Variants in CAMK2A observed in about 807,000 individuals in gnomAD.
CAMK2A encodes calcium/calmodulin-dependent protein kinase type II subunit alpha.
CAMK2A carries 7 observed loss-of-function variants against 79.2 expected under a neutral mutation model. That is an observed-to-expected ratio of 0.09 (90% CI 0.05 to 0.17). The LOEUF (loss-of-function observed/expected upper bound fraction) is 0.17, where lower values mean the gene tolerates loss of function less well. Ranked by LOEUF, CAMK2A falls within the 10% of genes least tolerant of loss-of-function variation. The probability of loss-of-function intolerance (pLI) is 1.00; values close to 1 mark genes in which losing one functional copy is unlikely to be tolerated. For missense variants in CAMK2A, 214 were observed against 646.4 expected (o/e 0.33, Z 7.25); for synonymous variants, 242 against 251.7 (o/e 0.96, Z 0.36).
intron 15 of CAMK2A, among the ~76,000 whole-genome samples, chr5:150,232,544 G>T (rs977717504): frequency 2.6e-5 from 4 of 152,206 alleles, no homozygotes; most frequent in Non-Finnish European, 5.9e-5. Context: ...CAGAAGCCTT[G>T]CTCCGTCTCC....
In CAMK2A at chr5:150,244,664, G is replaced by A. The variant is rs369836841; in HGVS notation, c.984+497C>T. On this transcript the variant is annotated intron_variant, in intron 13 of 18. Transcript: ENST00000671881. ...TGAACCAGCACCAGCAAGCCTTGCC[G>A]GGAGGGGGCACCTTGGAACCCAAAG... is the stretch of plus-strand genomic sequence containing the variant. Among the ~76,000 whole-genome samples, 49 of 152,266 alleles carry A rather than the reference G, an allele frequency of 3.2e-4. 3 individuals are homozygous for A. The highest frequency in any genetic ancestry group is 3.1e-3 in the South Asian group (15 of 4,812).
At chr5:150,233,823 A>ATTT (rs927950279) in intron 15 of CAMK2A, among the ~76,000 whole-genome samples, 12 of 151,806 alleles carry the variant, frequency 7.9e-5, no homozygotes, top group African/African-American at 2.9e-4. Context: ...TTTGTTTTTC[A>ATTT]TTTTTTTGAG....
intron 3 of CAMK2A, among the ~76,000 whole-genome samples, chr5:150,258,946 G>A (rs980101117): frequency 6.6e-6 from 1 of 152,096 alleles, no homozygotes; most frequent in African/African-American, 2.4e-5. Context: ...TTGGGAGGCC[G>A]AAGCAGGTGG....
At chr5:150,227,431 C>T (rs551453555) in intron 17 of CAMK2A, among the ~76,000 whole-genome samples, 12 of 152,292 alleles carry the variant, frequency 7.9e-5, no homozygotes, top group African/African-American at 2.2e-4. Context: ...CAGTGGTACA[C>T]GCCCTTGATT....
chr5:150,266,912 G>A (rs1474243089), intron 2 of CAMK2A, among the ~76,000 whole-genome samples: 1 of 152,144 alleles, frequency 6.6e-6, no homozygotes, highest in East Asian at 1.9e-4. Context: ...TTGTTCCCAG[G>A]AATCCAGCTC....
intron 12 of CAMK2A, among the ~76,000 whole-genome samples, chr5:150,247,376 T>C (rs1450602268): frequency 1.3e-5 from 2 of 152,176 alleles, no homozygotes; most frequent in African/African-American, 4.8e-5. Flanking sequence ...GCCACCTGAG[T>C]GGAAGCACGG....
intron 1 of CAMK2A, among the ~76,000 whole-genome samples, chr5:150,287,409 T>C (rs943631575): frequency 2.0e-5 from 3 of 152,314 alleles, no homozygotes; most frequent in Non-Finnish European, 2.9e-5. Context: ...GGAAGAAGTC[T>C]GAAATTGATT....
chr5:150,252,199 C>T (rs890584657), intron 7 of CAMK2A, 134 bp from the exon 8 acceptor site: 16 of 696,090 alleles, frequency 2.3e-5, no homozygotes, highest in African/African-American at 2.1e-4. Flanking sequence ...CCCTCAGGTG[C>T]ACTTGGGCTT....
rs1444173901 is a variant in CAMK2A, at chr5:150,256,275, CT to C, written c.411+297del. 2.6e-5 allele frequency among the ~76,000 whole-genome samples: 4 copies of C among 152,200 alleles called. No individual in the cohort carries two copies. Among genetic ancestry groups the C allele is most frequent in the Non-Finnish European group, 4.4e-5 (3 of 68,032 alleles). ...GGCCTGGTTGAGATTTGGACCCAGC[CT>C]GCCTTCTTCCCCACCCACCGTAGCC... On this transcript the variant is annotated intron_variant, in intron 6 of 18. Transcript: ENST00000671881. The surrounding 1 kb of genome is among the most constrained non-coding windows in gnomAD (Gnocchi z 4.6).
rs1266098956 is a variant in CAMK2A, at chr5:150,222,232, G to A, written c.*478C>T. Reference sequence around the variant, plus strand: ...ATGCTCTTCTCCCCACTCCTTCAGTGCGGTTGGCTTAGGGGGAAGGGAGTG... The same window carrying A: ...ATGCTCTTCTCCCCACTCCTTCAGTACGGTTGGCTTAGGGGGAAGGGAGTG... On this transcript the variant is annotated 3_prime_UTR_variant, in exon 19 of 19. Coordinates refer to ENST00000671881, the MANE Select transcript of CAMK2A (RefSeq NM_015981.4). The A allele has an allele frequency of 6.1e-6, 3 of 495,132 alleles. No individual in the cohort carries two copies. The highest frequency in any genetic ancestry group is 1.1e-5 in the Non-Finnish European group (3 of 271,156). The allele number at this position is 495,132 out of a possible 1,614,324, so 30.7% of individuals were successfully genotyped here.
intron 2 of CAMK2A, 64 bp downstream of exon 2, chr5:150,273,001 C>T: frequency 7.8e-7 from 1 of 1,281,494 alleles, no homozygotes; most frequent in Non-Finnish European, 1.1e-6. Context: ...CTAAACCAAG[C>T]AGTACAGGTA....
At position 150,259,737 on chromosome 5, in the gene CAMK2A, G is replaced by A. The variant is rs534217698; in HGVS notation, c.218-2120C>T. Among the ~76,000 whole-genome samples, 25 of 152,208 alleles carry A rather than the reference G, an allele frequency of 1.6e-4. No homozygotes were observed. The South Asian group carries it at 1.7e-3, about 10-fold the overall frequency. On this transcript the variant is annotated intron_variant, in intron 3 of 18. Transcript: ENST00000671881. ...TAATCCCAGCACTTTGGGAGGCCGA[G>A]GTGGGCAGATCACCTGAGGTCAGGA...
At chr5:150,240,603 C>A (rs879436955) in intron 13 of CAMK2A, among the ~76,000 whole-genome samples, 1 of 152,214 alleles carries the variant, frequency 6.6e-6, no homozygotes, top group Non-Finnish European at 1.5e-5. Flanking sequence ...CTTCCCTCAG[C>A]TCTCCAAGCC....
intron 9 of CAMK2A, 132 bp from the exon 10 acceptor site, chr5:150,250,942 G>GCCCCAAC: frequency 4.8e-6 from 5 of 1,033,988 alleles, no homozygotes; most frequent in Non-Finnish European, 7.1e-6. Flanking sequence ...ACCAGGAGGA[G>GCCCCAAC]TTGGGGCTCC....
intron 2 of CAMK2A, chr5:150,265,418 C>G (rs978571297): frequency 5.5e-6 from 1 of 180,376 alleles, no homozygotes; most frequent in African/African-American, 2.3e-5. Context: ...CAGCTTGAAA[C>G]ACTTACTCTA....
At chr5:150,251,893 G>T (rs539851043) in intron 8 of CAMK2A, 49 bp from the exon 9 acceptor site, 7 of 1,539,726 alleles carry the variant, frequency 4.5e-6, no homozygotes, top group East Asian at 2.2e-5. Flanking sequence ...GAGGAGACAT[G>T]GGGGGAGGGG....
chr5:150,272,304 C>T (rs1013015742), intron 2 of CAMK2A, among the ~76,000 whole-genome samples: 2 of 152,182 alleles, frequency 1.3e-5, no homozygotes, highest in African/African-American at 4.8e-5. Flanking sequence ...ATGGCTCACA[C>T]GTGTAATCCC....
intron 7 of CAMK2A, among the ~76,000 whole-genome samples, chr5:150,252,839 G>A (rs1315946411): frequency 6.6e-6 from 1 of 152,202 alleles, no homozygotes; most frequent in East Asian, 1.9e-4. Context: ...GAGAGGTGAA[G>A]TGACTTAGCC....
intron 17 of CAMK2A, among the ~76,000 whole-genome samples, chr5:150,225,075 A>AAGT (rs1754534866): frequency 1.4e-5 from 2 of 139,764 alleles, no homozygotes; most frequent in Admixed American, 7.2e-5. Context: ...AGAGAGAGAA[A>AAGT]GTGAGAGAGA....
Sources: allele counts gnomAD v4.1 joint callset (sites outside exome capture counted in the v4.1 genomes callset), GRCh38; gene constraint gnomAD v4.1.1; non-coding constraint Gnocchi (gnomAD v3.1); transcripts MANE v1.5; gene names NCBI Gene and HGNC (gene_info 2026-07-23, HGNC 2026-07-21).